The following ARF3 variants were observed in gnomAD, a reference collection of about 807,000 sequenced individuals.
The protein encoded by ARF3 is ADP-ribosylation factor 3.
Under a neutral mutation model 19.3 loss-of-function variants are expected in ARF3, and 5 were observed. That is an observed-to-expected ratio of 0.26 (90% CI 0.14 to 0.54). The LOEUF (loss-of-function observed/expected upper bound fraction) is 0.54, where lower values mean the gene tolerates loss of function less well. Among genes scored for constraint, ARF3 ranks in the 20% least tolerant of loss-of-function variants. ARF3 has a pLI of 0.95. For missense variants in ARF3, 77 were observed against 234.2 expected (o/e 0.33, Z 4.38); for synonymous variants, 71 against 89.2 (o/e 0.80, Z 1.15).
In ARF3 at chr12:48,939,826, T is replaced by TC. The variant is rs752035378; in HGVS notation, c.260-48dup. 2 of 1,609,968 alleles carry TC rather than the reference T, an allele frequency of 1.2e-6. No homozygotes were observed. The highest frequency in any genetic ancestry group is 1.7e-5 in the Admixed American group (1 of 59,850). ...TGCACTAAGATGACAGGTAACCCCC[T>TC]CCCCCCAACCAAAAGACCACACCTG... On this transcript the variant is annotated intron_variant, in intron 3 of 4. Coordinates refer to ENST00000256682, the MANE Select transcript of ARF3 (RefSeq NM_001659.3). The surrounding 1 kb of genome is among the most constrained non-coding windows in gnomAD (Gnocchi z 4.8).
chr12:48,937,136 G>C lies in ARF3; in HGVS notation c.*1811C>G, dbSNP rs551510759. The C allele has an allele frequency of 1.3e-5, 2 of 152,480 alleles. No homozygotes were observed. The highest frequency in any genetic ancestry group is 4.8e-5 in the African/African-American group (2 of 41,552). The allele number at this position is 152,480 out of a possible 1,614,324, so 9.4% of individuals were successfully genotyped here. A position where few individuals can be genotyped will look rare whatever the true frequency, so the allele number is the denominator to read the frequency against. On this transcript the variant is annotated 3_prime_UTR_variant, in exon 5 of 5. Transcript: ENST00000256682. ...TCACTAAGTAACTGGCACTGAGGGA[G>C]ATACCCCTGGAACCTCTCTTTCACA...
chr12:48,950,761 C>G (rs1439330343), intron 1 of ARF3, among the ~76,000 whole-genome samples: 1 of 151,924 alleles, frequency 6.6e-6, no homozygotes, highest in African/African-American at 2.4e-5. Flanking sequence ...TAAAATTGTA[C>G]AATATGTGTT....
intron 1 of ARF3, among the ~76,000 whole-genome samples, chr12:48,944,710 C>T (rs1324597894): frequency 6.6e-6 from 1 of 152,222 alleles, no homozygotes; most frequent in African/African-American, 2.4e-5. Flanking sequence ...AGTTGCTTAG[C>T]TATCCTGTCC....
intron 1 of ARF3, among the ~76,000 whole-genome samples, chr12:48,944,194 C>T (rs1279320713): frequency 6.6e-6 from 1 of 152,248 alleles, no homozygotes; most frequent in Non-Finnish European, 1.5e-5. Flanking sequence ...TTATGCCACA[C>T]ATTTATCTTG....
chr12:48,944,449 T>C (rs1241172335), intron 1 of ARF3, among the ~76,000 whole-genome samples: 3 of 152,240 alleles, frequency 2.0e-5, no homozygotes, highest in Non-Finnish European at 4.4e-5. Context: ...AACCACTCAA[T>C]GTGGCACTTA....
Position 48,937,154 on chromosome 12 carries a change from C to T in ARF3, c.*1793G>A, listed in dbSNP as rs972551161. On this transcript the variant is annotated 3_prime_UTR_variant, in exon 5 of 5. Transcript: ENST00000256682. The stretch of plus-strand genomic sequence containing the variant: ...TGAGGGAGATACCCCTGGAACCTCT[C>T]TTTCACAGTTCAATCTTGGATGGGG... 6.6e-6 allele frequency: 1 copy of T among 152,334 alleles called. No individual in the cohort carries two copies. Among genetic ancestry groups the T allele is most frequent in the Non-Finnish European group, 1.5e-5 (1 of 68,078 alleles). 9.4% of individuals were successfully genotyped at this position (152,334 alleles called of 1,614,324 possible). A position where few individuals can be genotyped will look rare whatever the true frequency, so the allele number is the denominator to read the frequency against.
In ARF3 at chr12:48,938,321, G is replaced by T. The variant is rs1275104594; in HGVS notation, c.*626C>A. 1 of 450,326 alleles carries T rather than the reference G, an allele frequency of 2.2e-6. No individual in the cohort carries two copies. Among genetic ancestry groups the T allele is most frequent in the Non-Finnish European group, 4.5e-6 (1 of 224,204 alleles). The allele number at this position is 450,326 out of a possible 1,614,324, so 27.9% of individuals were successfully genotyped here. On this transcript the variant is annotated 3_prime_UTR_variant, in exon 5 of 5. Coordinates refer to ENST00000256682, the MANE Select transcript of ARF3 (RefSeq NM_001659.3). ...ACTGGGGCAGTCCGGCTTGACTAAT[G>T]CCCTCCCACCTTCTTCCCTTAATCT...
At chr12:48,953,146 G>A (rs912490079) in intron 1 of ARF3, 4 of 151,908 alleles carry the variant, frequency 2.6e-5, no homozygotes, top group African/African-American at 9.7e-5. Flanking sequence ...TGTTGAGAAC[G>A]GTTCTACTGA....
intron 1 of ARF3, chr12:48,941,710 A>G (rs767473984): frequency 5.9e-5 from 9 of 152,128 alleles, no homozygotes; most frequent in African/African-American, 1.2e-4. Context: ...TTCCCTTCCT[A>G]TATTTTTGCA....
intron 1 of ARF3, among the ~76,000 whole-genome samples, chr12:48,951,869 A>T (rs936582194): frequency 1.1e-4 from 16 of 151,366 alleles, no homozygotes; most frequent in African/African-American, 3.1e-4. Context: ...ACAAGAGCGA[A>T]ACTCCGTCTC....
chr12:48,953,748 G>GT (rs1175625868), intron 1 of ARF3, among the ~76,000 whole-genome samples: 1 of 152,170 alleles, frequency 6.6e-6, no homozygotes, highest in African/African-American at 2.4e-5. Flanking sequence ...CCCTACTTTA[G>GT]TCAGTTCTTT....
chr12:48,941,872 C>T (rs921369425), intron 1 of ARF3, among the ~76,000 whole-genome samples: 2 of 152,176 alleles, frequency 1.3e-5, no homozygotes, highest in Non-Finnish European at 2.9e-5. Flanking sequence ...TGGGGTATGG[C>T]GGGGCTACCC....
chr12:48,957,196 C>A (rs947018561), intron 1 of ARF3, 114 bp downstream of exon 1: 1 of 152,138 alleles, frequency 6.6e-6, no homozygotes, highest in Admixed American at 6.5e-5. Context: ...AGAATCCCAC[C>A]GCCCCACGCC....
intron 1 of ARF3, among the ~76,000 whole-genome samples, chr12:48,945,375 C>T (rs993634183): frequency 2.0e-5 from 3 of 152,024 alleles, no homozygotes; most frequent in Admixed American, 6.6e-5. Context: ...GTCAGGAGAT[C>T]GAGACCATCC....
intron 2 of ARF3, among the ~76,000 whole-genome samples, chr12:48,940,383 T>TTTG (rs1248992539): frequency 6.6e-6 from 1 of 152,202 alleles, no homozygotes; most frequent in East Asian, 1.9e-4. Flanking sequence ...CCACTCAGTC[T>TTTG]TTGGTGCTCC....
rs377642833 is a variant in ARF3, at chr12:48,943,749, A to G, written c.-93-2561T>C. On this transcript the variant is annotated intron_variant, in intron 1 of 4. Coordinates refer to ENST00000256682, the MANE Select transcript of ARF3 (RefSeq NM_001659.3). ...GTGCTTATGAAGTGTTTCATCTTCA[A>G]AAGGCCTCCCCAGACAGCCACTAAT... Among the ~76,000 whole-genome samples the G allele has an allele frequency of 1.5e-3, 228 of 152,298 alleles. 1 individual carries two copies. Among genetic ancestry groups the G allele is most frequent in the African/African-American group, 5.3e-3 (219 of 41,570 alleles).
intron 1 of ARF3, among the ~76,000 whole-genome samples, chr12:48,950,201 A>G (rs562463710): frequency 2.6e-4 from 39 of 148,472 alleles, no homozygotes; most frequent in Non-Finnish European, 4.3e-4. Flanking sequence ...CACGCCTGGC[A>G]TCTTTCGTTT....
intron 1 of ARF3, among the ~76,000 whole-genome samples, chr12:48,952,019 G>T (rs1940481995): frequency 6.6e-6 from 1 of 152,202 alleles, no homozygotes; most frequent in Non-Finnish European, 1.5e-5. Context: ...AATGGGGATA[G>T]AACATACAAA....
intron 1 of ARF3, among the ~76,000 whole-genome samples, chr12:48,942,378 G>A (rs1940275219): frequency 6.6e-6 from 1 of 151,784 alleles, no homozygotes; most frequent in South Asian, 2.1e-4. Flanking sequence ...ACCATGCCTG[G>A]CCCAAAGCTT....
Sources: gnomAD v4.1 joint callset for allele counts (sites outside exome capture counted in the v4.1 genomes callset) on GRCh38, gnomAD v4.1.1 for gene constraint, Gnocchi (gnomAD v3.1) non-coding constraint, MANE v1.5 for transcripts, NCBI Gene and HGNC (gene_info 2026-07-23, HGNC 2026-07-21) for gene names.